The following TOP1 variants were observed in gnomAD, a reference collection of about 807,000 sequenced individuals.
TOP1 encodes the protein DNA topoisomerase I, also known as DNA topoisomerase 1.
In TOP1, 10 loss-of-function variants were observed where a neutral mutation model predicts 111.1. The observed-to-expected ratio is 0.09, with a 90% confidence interval of 0.06 to 0.15. The LOEUF is 0.15. TOP1 is among the 10% of genes least tolerant of loss of function. The pLI, the probability that TOP1 is intolerant of heterozygous loss-of-function variation, is 1.00. For synonymous variants in TOP1, 271 were observed against 302.9 expected, an observed-to-expected ratio of 0.89 and a Z score of 1.10; for missense variants, 474 against 926.7, an observed-to-expected ratio of 0.51 and a Z score of 6.34.
intron 2 of TOP1, among the ~76,000 whole-genome samples, chr20:41,050,164 G>A (rs565926150): frequency 8.5e-4 from 130 of 152,240 alleles, no homozygotes; most frequent in Non-Finnish European, 1.4e-3. Context: ...TTACAGGTGT[G>A]CATCACCATG....
At chr20:41,031,139 G>A (rs2122580931) in intron 2 of TOP1, among the ~76,000 whole-genome samples, 1 of 152,284 alleles carries the variant, frequency 6.6e-6, no homozygotes, top group South Asian at 2.1e-4. Context: ...ATTGTCAGGG[G>A]TTGGAGTGTT....
At position 41,106,816 on chromosome 20, in the gene TOP1, G is replaced by A. The variant is rs973661050; in HGVS notation, c.1308+5463G>A. 6.6e-6 allele frequency among the ~76,000 whole-genome samples: 1 copy of A among 151,976 alleles called. No homozygotes were observed. The highest frequency in any genetic ancestry group is 1.9e-4 in the East Asian group (1 of 5,198). Reference sequence around the variant, plus strand: ...TTAGTTCTAAAAGTGTCTGTCATTTGGGGTTTCTATGTAGATAATTTAATT... The same window carrying A: ...TTAGTTCTAAAAGTGTCTGTCATTTAGGGTTTCTATGTAGATAATTTAATT... On this transcript the variant is annotated intron_variant, in intron 13 of 20. Transcript: ENST00000361337. This position sits in a 1 kb window ranked among gnomAD's most constrained non-coding sequence, Gnocchi z 4.3.
intron 11 of TOP1, 95 bp from the exon 12 acceptor site, chr20:41,099,961 C>T: frequency 1.3e-6 from 1 of 795,420 alleles, no homozygotes; most frequent in Non-Finnish European, 1.9e-6. Context: ...TTCAGACTTT[C>T]CTCTACCTTG....
chr20:41,090,698 G>GA (rs397700730), intron 8 of TOP1, among the ~76,000 whole-genome samples: 1 of 151,924 alleles, frequency 6.6e-6, no homozygotes, highest in Non-Finnish European at 1.5e-5. Context: ...AGACGGGGGG[G>GA]TCTCGCCATG....
chr20:41,098,118 GA>G lies in TOP1; in HGVS notation c.853-91del, dbSNP rs1400637123. On this transcript the variant is annotated intron_variant, in intron 10 of 20. Transcript: ENST00000361337. The surrounding 1 kb of genome is among the most constrained non-coding windows in gnomAD (Gnocchi z 5.7). ...TGGCTACTTCCAGAAACCTTTGACT[GA>G]AAAAATGGTGCTTGGGTGTATTTGC... is the stretch of plus-strand genomic sequence containing the variant. 1.5e-6 allele frequency: 2 copies of G among 1,328,064 alleles called. No homozygotes were observed. Among genetic ancestry groups the G allele is most frequent in the Non-Finnish European group, 2.1e-6 (2 of 939,800 alleles). 82.3% of individuals were successfully genotyped at this position (1,328,064 alleles called of 1,614,324 possible).
At chr20:41,077,686 G>T (rs1005853756) in intron 5 of TOP1, 49 bp downstream of exon 5, 1 of 1,554,130 alleles carries the variant, frequency 6.4e-7, no homozygotes. Flanking sequence ...GTGGACAGCA[G>T]GCCAGCTGCC....
At position 41,100,355 on chromosome 20, in the gene TOP1, G is replaced by C; in HGVS notation, c.1163+112G>C. The stretch of plus-strand genomic sequence containing the variant: ...ACTGTTTGGGAAGGGAGATACTTAA[G>C]AGCAGGACAGTATTTCATGCGTAGG... On this transcript the variant is annotated intron_variant, in intron 12 of 20. Transcript: ENST00000361337. The surrounding 1 kb of genome is among the most constrained non-coding windows in gnomAD (Gnocchi z 4.4). The C allele has an allele frequency of 2.5e-5, 21 of 844,790 alleles. No individual in the cohort carries two copies. In the South Asian group the frequency reaches 3.5e-4, roughly 14 times the overall value. 52.3% of individuals were successfully genotyped at this position (844,790 alleles called of 1,614,324 possible). A position where few individuals can be genotyped will look rare whatever the true frequency, so the allele number is the denominator to read the frequency against.
In TOP1 at chr20:41,098,080, C is replaced by T; in HGVS notation, c.853-135C>T. On this transcript the variant is annotated intron_variant, in intron 10 of 20. Transcript: ENST00000361337. The surrounding 1 kb of genome is among the most constrained non-coding windows in gnomAD (Gnocchi z 5.7). The stretch of plus-strand genomic sequence containing the variant: ...TGTATTTTTTTGTTTTTTCAAAATT[C>T]ATTAATTGAGATTGGCTACTTCCAG... 1 of 817,364 alleles carries T rather than the reference C, an allele frequency of 1.2e-6. No individual in the cohort carries two copies. The highest frequency in any genetic ancestry group is 2.0e-6 in the Non-Finnish European group (1 of 508,902). The allele number at this position is 817,364 out of a possible 1,614,324, so 50.6% of individuals were successfully genotyped here.
chr20:41,119,459 T>G (rs886281529), intron 18 of TOP1, among the ~76,000 whole-genome samples: 1 of 152,178 alleles, frequency 6.6e-6, no homozygotes, highest in African/African-American at 2.4e-5. Flanking sequence ...TATTAAAAAT[T>G]TAAAAATAAA....
Position 41,114,546 on chromosome 20 carries a change from TCTC to T in TOP1, c.1638+394_1638+396del, listed in dbSNP as rs1310165377. On this transcript the variant is annotated intron_variant, in intron 15 of 20. Transcript: ENST00000361337. The surrounding 1 kb of genome is among the most constrained non-coding windows in gnomAD (Gnocchi z 4.5). ...CTACCTTCCTGGTAAGGAGTGGCCTTCTCCTATAGCAGTATTCAATGGAGCATG... is the reference window on the plus strand; with the variant it reads ...CTACCTTCCTGGTAAGGAGTGGCCTTCTATAGCAGTATTCAATGGAGCATG... Among the ~76,000 whole-genome samples, 1 of 152,250 alleles carries T rather than the reference TCTC, an allele frequency of 6.6e-6. No individual in the cohort carries two copies. The highest frequency in any genetic ancestry group is 1.5e-5 in the Non-Finnish European group (1 of 68,052).
intron 4 of TOP1, among the ~76,000 whole-genome samples, chr20:41,077,276 A>G (rs955705386): frequency 1.3e-5 from 2 of 152,222 alleles, no homozygotes; most frequent in African/African-American, 2.4e-5. Flanking sequence ...TGCACTGCCA[A>G]TGGCAAATTC....
At chr20:41,096,710 A>T (rs1378230521) in intron 9 of TOP1, among the ~76,000 whole-genome samples, 1 of 152,072 alleles carries the variant, frequency 6.6e-6, no homozygotes, top group Non-Finnish European at 1.5e-5. Context: ...ATGGATATAT[A>T]TTTTTTTATT....
In TOP1 at chr20:41,110,392, T is replaced by C. The variant is rs1170952106; in HGVS notation, c.1309-2390T>C. On this transcript the variant is annotated intron_variant, in intron 13 of 20. Coordinates refer to ENST00000361337, the MANE Select transcript of TOP1 (RefSeq NM_003286.4). The surrounding 1 kb of genome is among the most constrained non-coding windows in gnomAD (Gnocchi z 4.2). Reference sequence around the variant, plus strand: ...TTATCCATGATGATAGTAATCAGATTGAAGGATCAGTGGTTGCTTGGTGGA... The same window carrying C: ...TTATCCATGATGATAGTAATCAGATCGAAGGATCAGTGGTTGCTTGGTGGA... Among the ~76,000 whole-genome samples, 2 of 152,328 alleles carry C rather than the reference T, an allele frequency of 1.3e-5. No individual in the cohort carries two copies. Among genetic ancestry groups the C allele is most frequent in the East Asian group, 3.9e-4 (2 of 5,192 alleles).
chr20:41,108,318 C>A (rs1028153346), intron 13 of TOP1, among the ~76,000 whole-genome samples: 6 of 152,282 alleles, frequency 3.9e-5, no homozygotes. Context: ...AAATGTAGCA[C>A]AAGCATGATG....
rs1389707279 is a variant in TOP1 at position 41,078,613 on chromosome 20, T to G, written c.335+976T>G. On this transcript the variant is annotated intron_variant, in intron 5 of 20. Transcript: ENST00000361337. This position sits in a 1 kb window ranked among gnomAD's most constrained non-coding sequence, Gnocchi z 5.3. Reference sequence around the variant, plus strand: ...TAGAGCTGCAAGCTGCCCTAGGAATTTTGATTTCTGAGATAAAGTGACTGA... The same window carrying G: ...TAGAGCTGCAAGCTGCCCTAGGAATGTTGATTTCTGAGATAAAGTGACTGA... 6.6e-6 allele frequency among the ~76,000 whole-genome samples: 1 copy of G among 152,174 alleles called. No individual in the cohort carries two copies. Among genetic ancestry groups the G allele is most frequent in the Non-Finnish European group, 1.5e-5 (1 of 68,032 alleles).
intron 2 of TOP1, among the ~76,000 whole-genome samples, chr20:41,059,422 AAATAAATAAATAAATAAATAAAT>A (rs1425448367): frequency 1.6e-5 from 2 of 124,978 alleles, no homozygotes; most frequent in Non-Finnish European, 3.6e-5. Context: ...ATAAATAAAT[AAATAAATAAATAAATAAATAAAT>A]AAATAAATAA....
chr20:41,075,788 G>C (rs2033720224), intron 3 of TOP1, among the ~76,000 whole-genome samples: 1 of 152,184 alleles, frequency 6.6e-6, no homozygotes, highest in Admixed American at 6.5e-5. Context: ...TTTCAAGTCT[G>C]GCACAAAGCC....
rs534482062 is a variant in TOP1 at position 41,113,721 on chromosome 20, A to T, written c.1453-249A>T. On this transcript the variant is annotated intron_variant, in intron 14 of 20. Coordinates refer to ENST00000361337, the MANE Select transcript of TOP1 (RefSeq NM_003286.4). Reference sequence around the variant, plus strand: ...CCCATCTCTACTAAAAATACAAAAAAAAAAAAAAAAATAAAAATTGGCGTG... The same window carrying T: ...CCCATCTCTACTAAAAATACAAAAATAAAAAAAAAAATAAAAATTGGCGTG... Among the ~76,000 whole-genome samples, 127 of 151,330 alleles carry T rather than the reference A, an allele frequency of 8.4e-4. 2 individuals carry two copies. The highest frequency in any genetic ancestry group is 2.9e-3 in the African/African-American group (118 of 41,338).
rs752784890 is a variant in TOP1, at chr20:41,122,294, G to T, written c.2195+139G>T. ...TGGGGAAACTTCTGGCTTCAGCTGT[G>T]TACAAGTTACTCTGGTTGCTGAACC... On this transcript the variant is annotated intron_variant, in intron 20 of 20. Transcript: ENST00000361337. The surrounding 1 kb of genome is among the most constrained non-coding windows in gnomAD (Gnocchi z 5.4). 1.0e-5 allele frequency: 9 copies of T among 875,288 alleles called. No homozygotes were observed. The highest frequency in any genetic ancestry group is 2.5e-5 in the Admixed American group (1 of 39,318). 54.2% of individuals were successfully genotyped at this position (875,288 alleles called of 1,614,324 possible).
Sources: allele counts gnomAD v4.1 joint callset (sites outside exome capture counted in the v4.1 genomes callset), GRCh38; gene constraint gnomAD v4.1.1; non-coding constraint Gnocchi (gnomAD v3.1); transcripts MANE v1.5; gene names NCBI Gene and HGNC (gene_info 2026-07-23, HGNC 2026-07-21).